Variants in FNDC1 observed in about 807,000 individuals in gnomAD.
FNDC1 encodes the protein fibronectin type III domain containing 1, also known as fibronectin type III domain-containing protein 1.
A neutral mutation model predicts 168.0 loss-of-function variants in FNDC1; 96 were observed. The observed-to-expected ratio is 0.57, with a 90% CI of 0.48 to 0.68. FNDC1 has a LOEUF of 0.68. Ranked by LOEUF, FNDC1 falls within the 30% of genes least tolerant of loss-of-function variation. FNDC1 has a pLI of 0.00. For missense variants in FNDC1, 2,587 were observed against 2,482.1 expected (o/e 1.04, Z -0.90); for synonymous variants, 1,099 against 1,025.9 (o/e 1.07, Z -1.36).
At chr6:159,251,766 C>T (rs1023212205) in intron 17 of FNDC1, among the ~76,000 whole-genome samples, 36 of 152,268 alleles carry the variant, frequency 2.4e-4, no homozygotes, top group African/African-American at 6.5e-4. Flanking sequence ...GTCCTAAATC[C>T]GCGTCCCAGA....
At position 159,229,581 on chromosome 6, in the gene FNDC1, G is replaced by T. The variant is rs114290987; in HGVS notation, c.1181-234G>T. On this transcript the variant is annotated intron_variant, in intron 9 of 22. Coordinates refer to ENST00000297267, the MANE Select transcript of FNDC1 (RefSeq NM_032532.3). Reference sequence around the variant, plus strand: ...CTCCTGGCTTTCATATGTTTAATTTGCCTAAAATGGTGAAGTGTCAGCTAA... The same window carrying T: ...CTCCTGGCTTTCATATGTTTAATTTTCCTAAAATGGTGAAGTGTCAGCTAA... Among the ~76,000 whole-genome samples, 498 of 152,274 alleles carry T rather than the reference G, an allele frequency of 3.3e-3. 3 individuals carry two copies. Among genetic ancestry groups the T allele is most frequent in the African/African-American group, 0.012 (483 of 41,546 alleles).
intron 4 of FNDC1, among the ~76,000 whole-genome samples, chr6:159,201,588 G>C (rs1192737247): frequency 6.6e-6 from 1 of 152,230 alleles, no homozygotes; most frequent in East Asian, 1.9e-4. Context: ...GGCAAAAGTT[G>C]AAGTAGAGAG....
At chr6:159,185,080 A>G (rs1159228822) in intron 1 of FNDC1, among the ~76,000 whole-genome samples, 30 of 142,558 alleles carry the variant, frequency 2.1e-4, no homozygotes, top group Non-Finnish European at 4.0e-4. Flanking sequence ...GGGGGGGGGA[A>G]TCTTGTTTTT....
chr6:159,258,844 C>A (rs1261917379), intron 18 of FNDC1, among the ~76,000 whole-genome samples: 1 of 152,218 alleles, frequency 6.6e-6, no homozygotes, highest in African/African-American at 2.4e-5. Context: ...TCACTTTCGT[C>A]ATCTCAGTCT....
chr6:159,186,796 G>A (rs75130679), intron 1 of FNDC1, among the ~76,000 whole-genome samples: 2 of 152,228 alleles, frequency 1.3e-5, no homozygotes, highest in East Asian at 3.8e-4. Flanking sequence ...GCCATTTAAG[G>A]ATTGGCCAAT....
chr6:159,215,234 C>A, intron 5 of FNDC1, 83 bp downstream of exon 5: 1 of 1,266,394 alleles, frequency 7.9e-7, no homozygotes, highest in Non-Finnish European at 1.1e-6. Context: ...CATGACAGAG[C>A]ATTATATTTT....
chr6:159,211,744 G>A (rs1254251789), intron 4 of FNDC1, among the ~76,000 whole-genome samples: 2 of 152,146 alleles, frequency 1.3e-5, no homozygotes, highest in Admixed American at 6.5e-5. Flanking sequence ...TGTCAGGTAT[G>A]GCACCGAACG....
chr6:159,236,378 G>A (rs2114997093), intron 12 of FNDC1, 63 bp downstream of exon 12: 1 of 1,096,356 alleles, frequency 9.1e-7, no homozygotes, highest in East Asian at 2.4e-5. Flanking sequence ...AAAAATGGTG[G>A]ACATTGTGTA....
At chr6:159,268,821 C>CATTT (rs200940694) in intron 22 of FNDC1, among the ~76,000 whole-genome samples, 5,559 of 146,034 alleles carry the variant, frequency 0.038, 156 homozygotes, top group African/African-American at 0.067. Flanking sequence ...TCTATCTATT[C>CATTT]ATCTATCTAT....
intron 1 of FNDC1, among the ~76,000 whole-genome samples, chr6:159,187,602 G>A (rs1049164184): frequency 5.9e-5 from 9 of 152,048 alleles, no homozygotes; most frequent in Non-Finnish European, 1.3e-4. Context: ...CCTCCTCGGG[G>A]AAAATTCAAT....
chr6:159,213,427 C>A (rs144476537), intron 4 of FNDC1, among the ~76,000 whole-genome samples: 2 of 152,278 alleles, frequency 1.3e-5, no homozygotes, highest in African/African-American at 4.8e-5. Context: ...CAGCTTATTA[C>A]GGTTGAGTGT....
chr6:159,171,477 T>C (rs1314994933), intron 1 of FNDC1, among the ~76,000 whole-genome samples: 2 of 152,166 alleles, frequency 1.3e-5, no homozygotes, highest in Non-Finnish European at 2.9e-5. Context: ...AACTAATGCA[T>C]GGACCAAGCG....
intron 1 of FNDC1, among the ~76,000 whole-genome samples, chr6:159,188,568 CG>C (rs1028584002): frequency 1.2e-4 from 18 of 149,676 alleles, no homozygotes; most frequent in African/African-American, 4.2e-4. Context: ...TTAGTAGAGA[CG>C]GGGTTTCACC....
rs201092275 is a variant in FNDC1, at chr6:159,232,706, A to T, written c.2194A>T (p.Thr732Ser). 2 of 1,612,094 alleles carry T rather than the reference A, an allele frequency of 1.2e-6. No homozygotes were observed. Among genetic ancestry groups the T allele is most frequent in the African/African-American group, 2.7e-5 (2 of 74,808 alleles). ...PHGGSSRLLP[T>S]QPHLSSPLSK... ...TGGGGGATCATCTCGGCTGCTGCCC[A>T]CCCAGCCACACCTGAGCTCTCCACT... Residue 732 changes from threonine to serine, a missense_variant, in exon 11 of 23, where the codon ACC becomes TCC. By Grantham distance (58) the Thr-to-Ser change is moderately conservative. Transcript: ENST00000297267. This position sits in a 1 kb window ranked among gnomAD's most constrained non-coding sequence, Gnocchi z 4.9.
intron 1 of FNDC1, among the ~76,000 whole-genome samples, chr6:159,191,999 A>G (rs1002802169): frequency 6.6e-6 from 1 of 152,082 alleles, no homozygotes. Flanking sequence ...CTTCCCATGT[A>G]GCTGGGACTA....
intron 4 of FNDC1, among the ~76,000 whole-genome samples, chr6:159,212,223 C>T (rs1055838186): frequency 3.9e-5 from 6 of 152,342 alleles, no homozygotes; most frequent in African/African-American, 1.4e-4. Flanking sequence ...GGAATGTGTC[C>T]AGCCAAGTTT....
intron 1 of FNDC1, among the ~76,000 whole-genome samples, chr6:159,176,520 C>G (rs1781764600): frequency 6.6e-6 from 1 of 151,840 alleles, no homozygotes; most frequent in Admixed American, 6.5e-5. Flanking sequence ...GAGAAAGATG[C>G]TGAGGAAGGA....
At chr6:159,200,160 A>G (rs1782345361) in intron 3 of FNDC1, 78 bp downstream of exon 3, 1 of 1,076,934 alleles carries the variant, frequency 9.3e-7, no homozygotes, top group Non-Finnish European at 1.4e-6. Flanking sequence ...TTCTTCCAGT[A>G]AATATAAATT....
At chr6:159,248,973 C>A in intron 15 of FNDC1, 66 bp from the exon 16 acceptor site, 1 of 1,464,916 alleles carries the variant, frequency 6.8e-7, no homozygotes, top group Non-Finnish European at 9.2e-7. Context: ...AAGAAGGTAT[C>A]ATTTGACTAT....
Sources: gnomAD v4.1 joint callset for allele counts (sites outside exome capture counted in the v4.1 genomes callset) on GRCh38, gnomAD v4.1.1 for gene constraint, Gnocchi (gnomAD v3.1) non-coding constraint, MANE v1.5 for transcripts, NCBI Gene and HGNC (gene_info 2026-07-23, HGNC 2026-07-21) for gene names.